COX15: variants seen among roughly 807,000 people sequenced by gnomAD.
COX15 encodes heme A synthase COX15.
COX15 carries 51 observed loss-of-function variants against 51.9 expected under a neutral mutation model. The observed-to-expected ratio is 0.98, with a 90% CI of 0.78 to 1.24. The LOEUF (loss-of-function observed/expected upper bound fraction) is 1.24, where lower values mean the gene tolerates loss of function less well. Among genes scored for constraint, COX15 ranks in the 50% most tolerant of loss-of-function variants. COX15 has a pLI of 0.00. For synonymous variants in COX15, 188 were observed against 190.5 expected, an observed-to-expected ratio of 0.99 and a Z score of 0.11; for missense variants, 420 against 501.1, an observed-to-expected ratio of 0.84 and a Z score of 1.55.
chr10:99,729,758 A>G (rs1422225910), intron 1 of COX15, 24 bp from the exon 2 acceptor site: 1 of 1,612,998 alleles, frequency 6.2e-7, no homozygotes, highest in Non-Finnish European at 8.5e-7. Context: ...TAGACAAATT[A>G]CAACTGGAGA....
At chr10:99,698,989 C>T in the COX15 span, 1 of 812,802 alleles carries the variant, frequency 1.2e-6, no homozygotes, top group Admixed American at 3.0e-5. Flanking sequence ...GCCCTTTGAA[C>T]ACTCATTTTA....
chr10:99,706,513 TA>T (rs111450507), downstream of COX15, among the ~76,000 whole-genome samples: 124,742 of 149,190 alleles, frequency 0.84, 52,330 homozygotes, highest in Middle Eastern at 0.92. Flanking sequence ...TTTTTTATTT[TA>T]TTTTTTTAGA....
At chr10:99,709,966 A>C, downstream of COX15, 14 of 985,448 alleles carry the variant, frequency 1.4e-5, no homozygotes, top group Non-Finnish European at 1.7e-5. Context: ...TCACTTTTAA[A>C]ATGTAATCCA....
rs200876059 is a variant in COX15, at chr10:99,721,025, T to C, written c.794A>G (p.His265Arg). Residue 265 changes from histidine to arginine, a missense_variant, in exon 6 of 9, where the codon CAT (histidine) becomes CGT (arginine). Physicochemically the swap from His to Arg is conservative, Grantham distance 29. Coordinates refer to ENST00000016171, the MANE Select transcript of COX15 (RefSeq NM_078470.6). ...HQLLQLRRFA[H>R]GTAGLVFLTA... is the part of the protein sequence containing the mutation. ...AAGGAACACCAGACCTGCTGTTCCATGAGCAAATCGTCTCAACTGTAGGAG... is the reference window on the plus strand; with the variant it reads ...AAGGAACACCAGACCTGCTGTTCCACGAGCAAATCGTCTCAACTGTAGGAG... 49 of 1,613,876 alleles carry C rather than the reference T, an allele frequency of 3.0e-5. No homozygotes were observed. The East Asian group carries it at 1.0e-3, about 34-fold the overall frequency.
rs1425996711 is a variant in COX15, at chr10:99,724,053, A to G, written c.653T>C (p.Val218Ala). 6.2e-7 allele frequency: 1 copy of G among 1,613,962 alleles called. No homozygotes were observed. The highest frequency in any genetic ancestry group is 8.5e-7 in the Non-Finnish European group (1 of 1,179,992). The change falls in exon 5 of 9, where the codon GTC becomes GCC. Residue 218 changes from valine (V) to alanine (A), a missense_variant. Val to Ala is a moderately conservative substitution (Grantham distance 64, BLOSUM62 0). Transcript: ENST00000016171. The stretch of plus-strand genomic sequence containing the variant: ...GTGGGCAGCAAGGCGGTACTGACTG[A>G]CCCGAGGGATGTCATGGGAGTCTGA... ...EKSDSHDIPR[V>A]SQYRLAAHLG...
At chr10:99,705,832 C>G in the COX15 span, 3 of 152,318 alleles carry the variant, frequency 2.0e-5, no homozygotes, top group African/African-American at 4.8e-5. Context: ...GAGTCACAAA[C>G]AGCACTTCCA....
intron 1 of COX15, among the ~76,000 whole-genome samples, chr10:99,731,054 G>A (rs1029405059): frequency 2.0e-5 from 3 of 152,048 alleles, no homozygotes; most frequent in African/African-American, 7.2e-5. Flanking sequence ...AAAGTAAAAC[G>A]CTGTCTCTAA....
At chr10:99,709,392 T>A, downstream of COX15, 6 of 985,444 alleles carry the variant, frequency 6.1e-6, no homozygotes, top group Non-Finnish European at 7.2e-6. Flanking sequence ...TTCTCCCATA[T>A]TAGTCTCTTA....
the COX15 span, chr10:99,696,076 C>T: frequency 1.9e-6 from 3 of 1,614,196 alleles, no homozygotes; most frequent in South Asian, 3.3e-5. Flanking sequence ...CTTTGCCCGG[C>T]AGCGCTACGA....
chr10:99,716,540 C>A, intron 7 of COX15, 79 bp from the exon 8 acceptor site: 1 of 968,936 alleles, frequency 1.0e-6, no homozygotes, highest in Non-Finnish European at 1.6e-6. Flanking sequence ...TCCTCTAGAA[C>A]CACTCAGCAA....
chr10:99,708,759 G>A (rs1361661945), downstream of COX15: 1 of 864,262 alleles, frequency 1.2e-6, no homozygotes, highest in African/African-American at 1.8e-5. Flanking sequence ...TGATTTATAT[G>A]GGTGATAAAA....
At chr10:99,704,642 G>A in the COX15 span, 1 of 1,614,060 alleles carries the variant, frequency 6.2e-7, no homozygotes, top group Admixed American at 1.7e-5. Context: ...GCTGTGGCTT[G>A]AAGAGGTGGT....
chr10:99,719,744 G>A (rs1430666840), intron 6 of COX15, among the ~76,000 whole-genome samples: 2 of 152,326 alleles, frequency 1.3e-5, no homozygotes, highest in South Asian at 2.1e-4. Flanking sequence ...ACCTGCCTCA[G>A]CATCCCAAAG....
At chr10:99,698,670 G>GAGCCCCCT in the COX15 span, 1 of 1,614,192 alleles carries the variant, frequency 6.2e-7, no homozygotes, top group Admixed American at 1.7e-5. Context: ...GGTGTCTTGT[G>GAGCCCCCT]GGGCAATGCT....
intron 4 of COX15, among the ~76,000 whole-genome samples, chr10:99,725,812 G>A (rs181761881): frequency 6.6e-6 from 1 of 152,322 alleles, no homozygotes; most frequent in East Asian, 1.9e-4. Context: ...GCTTCCGAAA[G>A]TGTTGGGATT....
rs550945375 is a variant in COX15, at chr10:99,713,252, G to C, written c.*1335C>G. 1 of 1,455,748 alleles carries C rather than the reference G, an allele frequency of 6.9e-7. No individual in the cohort carries two copies. Among genetic ancestry groups the C allele is most frequent in the South Asian group, 1.3e-5 (1 of 77,864 alleles). The allele number at this position is 1,455,748 out of a possible 1,614,324, so 90.2% of individuals were successfully genotyped here. On this transcript the variant is annotated 3_prime_UTR_variant, in exon 9 of 9. Coordinates refer to ENST00000016171, the MANE Select transcript of COX15 (RefSeq NM_078470.6). ...TCTTTTTTATATGAAATGATATAAG[G>C]CCAGGTTTCTTCAGCCCAAACTTAT... is the stretch of plus-strand genomic sequence containing the variant.
chr10:99,704,619 C>T, the COX15 span: 1 of 1,614,028 alleles, frequency 6.2e-7, no homozygotes, highest in Non-Finnish European at 8.5e-7. Context: ...CGAGCCTCAG[C>T]TCCATTGGAC....
intron 7 of COX15, among the ~76,000 whole-genome samples, chr10:99,717,805 C>G (rs758489137): frequency 6.6e-6 from 1 of 152,220 alleles, no homozygotes; most frequent in African/African-American, 2.4e-5. Flanking sequence ...ATGCTTCTCA[C>G]AGTCTCCTTA....
the COX15 span, chr10:99,696,030 G>C: frequency 1.9e-6 from 3 of 1,614,174 alleles, no homozygotes; most frequent in Middle Eastern, 1.6e-4. Context: ...ACGTGTACAG[G>C]GTTTATGTCA....
Sources: gnomAD v4.1 joint callset for allele counts (sites outside exome capture counted in the v4.1 genomes callset) on GRCh38, gnomAD v4.1.1 for gene constraint, MANE v1.5 for transcripts, NCBI Gene and HGNC (gene_info 2026-07-23, HGNC 2026-07-21) for gene names.